The following GATA4 variants were observed in gnomAD, a reference collection of about 807,000 sequenced individuals.
GATA4 encodes GATA binding protein 4.
Under a neutral mutation model 37.9 loss-of-function variants are expected in GATA4, and 7 were observed. The ratio of observed to expected loss-of-function variants is 0.18; its 90% CI spans 0.11 to 0.35. GATA4 has a LOEUF of 0.35. Among genes scored for constraint, GATA4 ranks in the 10% least tolerant of loss-of-function variants. The pLI is 1.00. For synonymous variants in GATA4, 372 were observed against 292.6 expected (o/e 1.27, Z -2.77); for missense variants, 647 against 653.0 (o/e 0.99, Z 0.10).
At chr8:11,692,664 CGTGCGGGG>C in intron 1 of GATA4, 2 of 982,124 alleles carry the variant, frequency 2.0e-6, no homozygotes, top group South Asian at 4.8e-5. Context: ...ACCGCGGGTG[CGTGCGGGG>C]GTGCGGGGGT....
intron 1 of GATA4, chr8:11,697,753 G>T: frequency 1.0e-6 from 1 of 985,382 alleles, no homozygotes; most frequent in Non-Finnish European, 1.2e-6. Flanking sequence ...GCCAGGTCGC[G>T]GCGCCTGCCT....
At chr8:11,733,040 C>T (rs139297671) in intron 2 of GATA4, among the ~76,000 whole-genome samples, 23 of 152,174 alleles carry the variant, frequency 1.5e-4, no homozygotes, top group Middle Eastern at 3.4e-3. Flanking sequence ...GGAAAGAAAG[C>T]GGCAATGTTT....
intron 2 of GATA4, among the ~76,000 whole-genome samples, chr8:11,745,747 A>G (rs1338662157): frequency 6.6e-6 from 1 of 152,200 alleles, no homozygotes; most frequent in Non-Finnish European, 1.5e-5. Context: ...AGAATGTAGG[A>G]GAGAGGCCAG....
chr8:11,730,602 C>T (rs1041064368), intron 2 of GATA4, among the ~76,000 whole-genome samples: 1 of 152,126 alleles, frequency 6.6e-6, no homozygotes, highest in African/African-American at 2.4e-5. Context: ...GAGGATGGCT[C>T]CTGGGTGTTC....
upstream of GATA4, among the ~76,000 whole-genome samples, chr8:11,702,142 A>G (rs1799697492): frequency 6.6e-6 from 1 of 152,186 alleles, no homozygotes; most frequent in Non-Finnish European, 1.5e-5. The surrounding 1 kb of genome is among the most constrained non-coding windows in gnomAD (Gnocchi z 4.4). Flanking sequence ...CCCATCCCGC[A>G]CTACTAGGAG....
chr8:11,757,162 G>T, intron 6 of GATA4, 79 bp downstream of exon 6: 1 of 1,577,132 alleles, frequency 6.3e-7, no homozygotes, highest in Non-Finnish European at 8.6e-7. Context: ...CTAGTACTGG[G>T]TGGGACTTGC....
intron 1 of GATA4, among the ~76,000 whole-genome samples, chr8:11,677,280 C>T (rs1444560803): frequency 6.6e-6 from 1 of 152,210 alleles, no homozygotes; most frequent in Non-Finnish European, 1.5e-5. Flanking sequence ...AAGGATGAGG[C>T]TCTGTGAAGG....
intron 1 of GATA4, among the ~76,000 whole-genome samples, chr8:11,695,717 T>C (rs1426979116): frequency 1.3e-5 from 2 of 152,186 alleles, no homozygotes; most frequent in Non-Finnish European, 2.9e-5. Context: ...TTCTGCTGTT[T>C]GGCTTCAAGA....
intron 4 of GATA4, among the ~76,000 whole-genome samples, chr8:11,751,002 A>T (rs1311217812): frequency 6.6e-6 from 1 of 152,138 alleles, no homozygotes; most frequent in Admixed American, 6.5e-5. Flanking sequence ...AGACAATAAA[A>T]ACACTGGAAG....
chr8:11,681,195 C>A, intron 1 of GATA4: 1 of 985,386 alleles, frequency 1.0e-6, no homozygotes, highest in Non-Finnish European at 1.2e-6. Context: ...CAGGCCCTGG[C>A]CCGCGCGGGA....
chr8:11,685,163 T>C (rs73201460), intron 1 of GATA4, among the ~76,000 whole-genome samples: 2,460 of 152,366 alleles, frequency 0.016, 34 homozygotes, highest in Non-Finnish European at 0.022. Flanking sequence ...TGAACTATAC[T>C]AAATCCATTA....
intron 2 of GATA4, among the ~76,000 whole-genome samples, chr8:11,721,505 G>A (rs561507626): frequency 2.6e-5 from 4 of 151,996 alleles, no homozygotes; most frequent in Non-Finnish European, 5.9e-5. Context: ...GGTGATGAGC[G>A]CCTCCCGCTG....
At chr8:11,754,285 C>A (rs928871358) in intron 4 of GATA4, among the ~76,000 whole-genome samples, 4 of 152,226 alleles carry the variant, frequency 2.6e-5, no homozygotes, top group Non-Finnish European at 4.4e-5. Flanking sequence ...GGCACGATCA[C>A]GGCTTGCTGG....
chr8:11,740,423 C>G (rs761276776), intron 2 of GATA4, among the ~76,000 whole-genome samples: 15 of 152,200 alleles, frequency 9.9e-5, no homozygotes, highest in Non-Finnish European at 1.9e-4. Context: ...CCATATTAAT[C>G]CGGGGAGGCG....
chr8:11,759,441 C>G lies in GATA4; in HGVS notation c.*966C>G, dbSNP rs1244545623. 6.6e-6 allele frequency: 1 copy of G among 152,336 alleles called. No homozygotes were observed. Among genetic ancestry groups the G allele is most frequent in the Non-Finnish European group, 1.5e-5 (1 of 68,124 alleles). The allele number at this position is 152,336 out of a possible 1,614,324, so 9.4% of individuals were successfully genotyped here. A position where few individuals can be genotyped will look rare whatever the true frequency, so the allele number is the denominator to read the frequency against. On this transcript the variant is annotated 3_prime_UTR_variant, in exon 7 of 7. Coordinates refer to ENST00000532059, the MANE Select transcript of GATA4 (RefSeq NM_001308093.3). ...GGGCAGGAGTGTCCCAAGGGCTGGC[C>G]CACCTGCTGTCTGTCTGCTCCTCCT...
chr8:11,708,994 A>C lies in GATA4; in HGVS notation c.616+66A>C. 6.9e-7 allele frequency: 1 copy of C among 1,458,990 alleles called. No individual in the cohort carries two copies. The highest frequency in any genetic ancestry group is 9.1e-7 in the Non-Finnish European group (1 of 1,104,626). 90.4% of individuals were successfully genotyped at this position (1,458,990 alleles called of 1,614,324 possible). ...GCAGGGGCCGTCTTGAGCCCTGTCG[A>C]GGGCCTCTTGTTTTTCCACCAACGC... On this transcript the variant is annotated intron_variant, in intron 2 of 6. Coordinates refer to ENST00000532059, the MANE Select transcript of GATA4 (RefSeq NM_001308093.3). The surrounding 1 kb of genome is among the most constrained non-coding windows in gnomAD (Gnocchi z 6.7).
chr8:11,705,548 C>T (rs1799856194), intron 1 of GATA4, among the ~76,000 whole-genome samples: 1 of 152,124 alleles, frequency 6.6e-6, no homozygotes, highest in South Asian at 2.1e-4. Context: ...TTGGGGTGAA[C>T]TGGGACAAGT....
intron 2 of GATA4, among the ~76,000 whole-genome samples, chr8:11,738,377 C>T (rs1442032247): frequency 6.6e-6 from 1 of 151,830 alleles, no homozygotes; most frequent in Non-Finnish European, 1.5e-5. Flanking sequence ...TAAACAAATC[C>T]ATGTATAGAT....
chr8:11,688,600 C>T (rs894711637), upstream of GATA4, among the ~76,000 whole-genome samples: 8 of 152,268 alleles, frequency 5.3e-5, no homozygotes, highest in East Asian at 1.5e-3. Flanking sequence ...ATGTGATGCC[C>T]AGAGTCAGTG....
Sources: gnomAD v4.1 joint callset for allele counts (sites outside exome capture counted in the v4.1 genomes callset) on GRCh38, gnomAD v4.1.1 for gene constraint, Gnocchi (gnomAD v3.1) non-coding constraint, MANE v1.5 for transcripts, NCBI Gene and HGNC (gene_info 2026-07-23, HGNC 2026-07-21) for gene names.